The following NIBAN1 variants were observed in gnomAD, a reference collection of about 807,000 sequenced individuals.
NIBAN1 encodes the protein protein Niban 1.
NIBAN1 carries 81 observed loss-of-function variants against 75.1 expected under a neutral mutation model. That is an observed-to-expected ratio of 1.08 (90% CI 0.90 to 1.30). NIBAN1 has a LOEUF of 1.30. NIBAN1 is among the 50% of genes most tolerant of loss of function. NIBAN1 has a pLI of 0.00. For synonymous variants in NIBAN1, 436 were observed against 424.8 expected, an observed-to-expected ratio of 1.03 and a Z score of -0.32; for missense variants, 1,133 against 1,128.1, an observed-to-expected ratio of 1.00 and a Z score of -0.06.
At chr1:184,891,221 T>C (rs796082870) in intron 3 of NIBAN1, among the ~76,000 whole-genome samples, 35 of 152,274 alleles carry the variant, frequency 2.3e-4, no homozygotes, top group African/African-American at 8.4e-4. Flanking sequence ...ATATACCCAC[T>C]AACACAGAAT....
At chr1:184,939,989 T>C (rs1203901636) in intron 1 of NIBAN1, among the ~76,000 whole-genome samples, 3 of 152,204 alleles carry the variant, frequency 2.0e-5, no homozygotes, top group African/African-American at 7.2e-5. Flanking sequence ...TCTCAGAATA[T>C]CTTCAGGAGA....
In NIBAN1 at chr1:184,884,695, T is replaced by C; in HGVS notation, c.539A>G (p.Glu180Gly). The change falls in exon 5 of 14, where the codon GAG (glutamate) becomes GGG (glycine). Residue 180 changes from glutamate to glycine, a missense_variant. Transcript: ENST00000367511. ...ACTAAACCTCTTCTGGTCAGCAGCC[T>C]CGTGGAAGCAGAAGTAGCCGTGTCT... ...FFRHGYFCFH[E>G]AADQKRFSAL... 1.9e-6 allele frequency: 3 copies of C among 1,614,144 alleles called. No homozygotes were observed. Among genetic ancestry groups the C allele is most frequent in the Non-Finnish European group, 1.7e-6 (2 of 1,179,992 alleles).
At chr1:184,862,688 G>C (rs1331497168) in intron 5 of NIBAN1, among the ~76,000 whole-genome samples, 1 of 151,906 alleles carries the variant, frequency 6.6e-6, no homozygotes, top group African/African-American at 2.4e-5. Flanking sequence ...TCCCCTTTTT[G>C]TTTTTAAAGA....
chr1:184,875,433 T>G (rs957295050), intron 5 of NIBAN1, among the ~76,000 whole-genome samples: 2 of 152,182 alleles, frequency 1.3e-5, no homozygotes, highest in Non-Finnish European at 2.9e-5. Flanking sequence ...AAGCATCCAC[T>G]TCCCAGGAAG....
At chr1:184,922,633 G>GTC (rs888778288) in intron 1 of NIBAN1, among the ~76,000 whole-genome samples, 49 of 152,216 alleles carry the variant, frequency 3.2e-4, no homozygotes, top group African/African-American at 1.1e-3. Context: ...TTGAGTTGGA[G>GTC]TCTCACTCTT....
rs1429868422 is a variant in NIBAN1, at chr1:184,884,645, G to A, written c.589C>T (p.His197Tyr). Residue 197 changes from histidine (H) to tyrosine (Y), a missense_variant, in exon 5 of 14, where the codon CAT becomes TAT. Transcript: ENST00000367511. ...FSALLSDCVR[H>Y]LNHDYMKQMT... ...AGCCGCGCCATACCATGATTGAGATGCCTGACGCAGTCACTCAGGAGGGCA... is the reference window on the plus strand; with the variant it reads ...AGCCGCGCCATACCATGATTGAGATACCTGACGCAGTCACTCAGGAGGGCA... 6.2e-7 allele frequency: 1 copy of A among 1,613,958 alleles called. No homozygotes were observed. The highest frequency in any genetic ancestry group is 2.2e-5 in the East Asian group (1 of 44,858).
chr1:184,948,203 A>G (rs115730018), intron 1 of NIBAN1, among the ~76,000 whole-genome samples: 3,123 of 152,302 alleles, frequency 0.021, 96 homozygotes, highest in African/African-American at 0.071. Context: ...TTAGATATAT[A>G]TGGTACTTAG....
intron 5 of NIBAN1, among the ~76,000 whole-genome samples, chr1:184,841,696 A>T (rs1655291552): frequency 6.6e-6 from 1 of 152,216 alleles, no homozygotes. Flanking sequence ...GACTCAATAT[A>T]AGGAGCAAAT....
chr1:184,939,334 C>T (rs1658034515), intron 1 of NIBAN1, among the ~76,000 whole-genome samples: 1 of 152,178 alleles, frequency 6.6e-6, no homozygotes, highest in African/African-American at 2.4e-5. Flanking sequence ...TAGGCAGAGA[C>T]AACTGCATAA....
At chr1:184,831,103 A>C (rs762480736) in intron 6 of NIBAN1, among the ~76,000 whole-genome samples, 2 of 152,062 alleles carry the variant, frequency 1.3e-5, no homozygotes, top group Admixed American at 6.6e-5. Context: ...TGGTGTCATC[A>C]TGGAGGCTGG....
At chr1:184,824,533 G>A (rs1654793079) in intron 6 of NIBAN1, among the ~76,000 whole-genome samples, 1 of 152,184 alleles carries the variant, frequency 6.6e-6, no homozygotes, top group African/African-American at 2.4e-5. Context: ...AGGAAAAAAG[G>A]GAAAGGCTGG....
intron 5 of NIBAN1, among the ~76,000 whole-genome samples, chr1:184,853,433 T>C (rs1282579919): frequency 6.6e-6 from 1 of 152,246 alleles, no homozygotes; most frequent in Non-Finnish European, 1.5e-5. Context: ...TAAAACTTCA[T>C]ATTTGCTTCT....
In NIBAN1 at chr1:184,876,030, G is replaced by A. The variant is rs142787060; in HGVS notation, c.601+8603C>T. 7.4e-3 allele frequency among the ~76,000 whole-genome samples: 1,119 copies of A among 152,062 alleles called. 21 individuals carry two copies. The highest frequency in any genetic ancestry group is 0.025 in the African/African-American group (1,052 of 41,488). On this transcript the variant is annotated intron_variant, in intron 5 of 13. Coordinates refer to ENST00000367511, the MANE Select transcript of NIBAN1 (RefSeq NM_052966.4). ...CTCTGCTAAAAATACAAAATTAGCC[G>A]GGCATGGTGGCGCATGCCTGTAATC... is the stretch of plus-strand genomic sequence containing the variant.
At chr1:184,968,545 A>G (rs1658857339) in intron 1 of NIBAN1, among the ~76,000 whole-genome samples, 1 of 152,096 alleles carries the variant, frequency 6.6e-6, no homozygotes, top group African/African-American at 2.4e-5. Context: ...AGGAGCTGCA[A>G]TTTCTCACTT....
chr1:184,863,351 A>G (rs1256833317), intron 5 of NIBAN1, among the ~76,000 whole-genome samples: 1 of 152,224 alleles, frequency 6.6e-6, no homozygotes, highest in African/African-American at 2.4e-5. Context: ...TATTCTGGAA[A>G]TGTTGTTTCT....
chr1:184,836,201 CT>C (rs1231122380), intron 5 of NIBAN1, among the ~76,000 whole-genome samples: 2 of 152,122 alleles, frequency 1.3e-5, no homozygotes, highest in African/African-American at 4.8e-5. Flanking sequence ...CTGGGAGGGA[CT>C]TTACCAACTG....
intron 1 of NIBAN1, among the ~76,000 whole-genome samples, chr1:184,943,777 A>C (rs115607877): frequency 0.021 from 3,195 of 152,274 alleles, 104 homozygotes; most frequent in African/African-American, 0.072. Context: ...TATAAGTGGA[A>C]TTTTAGCTTA....
chr1:184,795,832 C>T lies in NIBAN1; in HGVS notation c.1932G>A (p.Gly644=), dbSNP rs1428029231. 6.2e-7 allele frequency: 1 copy of T among 1,609,170 alleles called. No homozygotes were observed. Among genetic ancestry groups the T allele is most frequent in the Non-Finnish European group, 8.5e-7 (1 of 1,177,198 alleles). ...CAGTCCCATCTGGGGGTGGGCTTGG[C>T]CCAGGGAGAGAAAGGCTTTCTCCTT... The part of the protein sequence containing the change: ...LAKGESLSLP[G]PSPPPDGTEQ... The change falls in exon 14 of 14, where the codon GGG becomes GGA. Residue 644 remains glycine (G), a synonymous_variant. Transcript: ENST00000367511.
intron 5 of NIBAN1, among the ~76,000 whole-genome samples, chr1:184,839,770 A>G (rs1655235210): frequency 6.6e-6 from 1 of 151,718 alleles, no homozygotes. Context: ...TAATTTTTGT[A>G]TTTTTTAGTA....
Sources: allele counts gnomAD v4.1 joint callset (sites outside exome capture counted in the v4.1 genomes callset), GRCh38; gene constraint gnomAD v4.1.1; transcripts MANE v1.5; gene names NCBI Gene and HGNC (gene_info 2026-07-23, HGNC 2026-07-21).